The following NCOA2 variants were observed in gnomAD, a reference collection of about 807,000 sequenced individuals.
The protein encoded by NCOA2 is nuclear receptor coactivator 2.
Under a neutral mutation model 145.1 loss-of-function variants are expected in NCOA2, and 21 were observed. The observed-to-expected ratio is 0.14, with a 90% CI of 0.10 to 0.21. NCOA2 has a LOEUF of 0.21. Among genes scored for constraint, NCOA2 ranks in the 10% least tolerant of loss-of-function variants. The pLI is 1.00. For synonymous variants in NCOA2, 619 were observed against 637.5 expected (o/e 0.97, Z 0.44); for missense variants, 1,472 against 1,837.6 (o/e 0.80, Z 3.64).
chr8:70,439,336 C>G, the NCOA2 span, among the ~76,000 whole-genome samples: 2 of 152,092 alleles, frequency 1.3e-5, no homozygotes, highest in Non-Finnish European at 2.9e-5. Context: ...CGGTAGCATT[C>G]AAGAAGAGCA....
intron 1 of NCOA2, among the ~76,000 whole-genome samples, chr8:70,327,157 T>C (rs1351211242): frequency 3.3e-5 from 5 of 152,348 alleles, no homozygotes; most frequent in Non-Finnish European, 7.4e-5. Flanking sequence ...CCTTAAAACA[T>C]AGGCACACAT....
intron 2 of NCOA2, among the ~76,000 whole-genome samples, chr8:70,244,822 A>G (rs1427717823): frequency 6.6e-6 from 1 of 152,106 alleles, no homozygotes; most frequent in Non-Finnish European, 1.5e-5. Flanking sequence ...ACACAAACAC[A>G]AAAGAAATAA....
At chr8:70,281,544 G>A (rs1353560215) in intron 2 of NCOA2, among the ~76,000 whole-genome samples, 1 of 151,910 alleles carries the variant, frequency 6.6e-6, no homozygotes, top group African/African-American at 2.4e-5. Context: ...AAGTGGCTAG[G>A]GAGCATTCCC....
chr8:70,358,037 C>T (rs1467497962), intron 1 of NCOA2, among the ~76,000 whole-genome samples: 3 of 151,704 alleles, frequency 2.0e-5, no homozygotes, highest in Non-Finnish European at 4.4e-5. Context: ...GGTGACAAAG[C>T]GAGACTCAGT....
Position 70,123,900 on chromosome 8 carries a change from G to A in NCOA2, c.4277C>T (p.Ser1426Phe). The A allele has an allele frequency of 6.2e-7, 1 of 1,612,320 alleles. No homozygotes were observed. The highest frequency in any genetic ancestry group is 8.5e-7 in the Non-Finnish European group (1 of 1,178,928). ...VTSVPTSGLSSMGPEQVNDPA... is the reference protein window; with the variant it reads ...VTSVPTSGLSFMGPEQVNDPA... ...GGCACTCACCTGCTCGGGACCCATG[G>A]AGGACAGCCCTGACGTAGGCACGGA... Residue 1426 changes from serine (S) to phenylalanine (F), a missense_variant, in exon 21 of 23, where the codon TCC becomes TTC. By Grantham distance (155) the Ser-to-Phe change is radical (BLOSUM62 -2). Coordinates refer to ENST00000452400, the MANE Select transcript of NCOA2 (RefSeq NM_006540.4).
the NCOA2 span, among the ~76,000 whole-genome samples, chr8:70,442,043 G>A: frequency 1.5e-5 from 2 of 136,770 alleles, no homozygotes; most frequent in African/African-American, 5.4e-5. Flanking sequence ...GAAAGAGAAA[G>A]AGAAGAAAGG....
intron 1 of NCOA2, among the ~76,000 whole-genome samples, chr8:70,354,563 A>G (rs1809514892): frequency 6.6e-6 from 1 of 152,214 alleles, no homozygotes; most frequent in African/African-American, 2.4e-5. Context: ...CAAAAATTTG[A>G]AACATAGGCC....
chr8:70,398,353 G>T (rs1189630283), intron 1 of NCOA2, among the ~76,000 whole-genome samples: 1 of 152,140 alleles, frequency 6.6e-6, no homozygotes, highest in East Asian at 1.9e-4. Context: ...CAACTACTTG[G>T]GAGGCTGGGT....
chr8:70,169,777 AT>A (rs754943737), intron 6 of NCOA2, among the ~76,000 whole-genome samples: 1 of 152,208 alleles, frequency 6.6e-6, no homozygotes, highest in Non-Finnish European at 1.5e-5. Context: ...ATTAAAAAAA[AT>A]ACAACAATCT....
At position 70,191,941 on chromosome 8, in the gene NCOA2, C is replaced by T. The variant is rs146576684; in HGVS notation, c.260-17082G>A. ...CTGTAATCCCAGTTACTTGGGGAGG[C>T]TGAGGCAGGAGAACCGCTTGAACCT... is the stretch of plus-strand genomic sequence containing the variant. On this transcript the variant is annotated intron_variant, in intron 4 of 22. Transcript: ENST00000452400. 2.6e-3 allele frequency among the ~76,000 whole-genome samples: 400 copies of T among 152,282 alleles called. 3 individuals are homozygous for T. Among genetic ancestry groups the T allele is most frequent in the African/African-American group, 8.9e-3 (371 of 41,556 alleles).
At chr8:70,129,991 G>A (rs16936746) in intron 16 of NCOA2, among the ~76,000 whole-genome samples, 6,917 of 152,214 alleles carry the variant, frequency 0.045, 260 homozygotes, top group East Asian at 0.16. Flanking sequence ...TTAGCTCAGC[G>A]TTGTCCTAGG....
At chr8:70,307,220 C>CAAAAA (rs57161747) in intron 1 of NCOA2, among the ~76,000 whole-genome samples, 148 of 71,606 alleles carry the variant, frequency 2.1e-3, no homozygotes, top group East Asian at 3.2e-3. Flanking sequence ...CCTACATAAG[C>CAAAAA]AAAAAAAAAA....
At chr8:70,324,398 G>A (rs1806372114) in intron 1 of NCOA2, among the ~76,000 whole-genome samples, 1 of 152,136 alleles carries the variant, frequency 6.6e-6, no homozygotes, top group South Asian at 2.1e-4. Flanking sequence ...GTGCAGTGAT[G>A]TGACCAAAGC....
At chr8:70,230,267 A>G (rs1032655189) in intron 2 of NCOA2, among the ~76,000 whole-genome samples, 1 of 152,200 alleles carries the variant, frequency 6.6e-6, no homozygotes, top group Admixed American at 6.5e-5. Flanking sequence ...AATGTCCAAA[A>G]TAAGCAGATC....
intron 2 of NCOA2, among the ~76,000 whole-genome samples, chr8:70,249,172 C>T (rs1024992847): frequency 1.3e-5 from 2 of 152,022 alleles, no homozygotes; most frequent in African/African-American, 2.4e-5. Context: ...GTTAGTGTAC[C>T]CGATGGGGCA....
chr8:70,308,049 T>C (rs1405141127), intron 1 of NCOA2, among the ~76,000 whole-genome samples: 1 of 152,192 alleles, frequency 6.6e-6, no homozygotes, highest in African/African-American at 2.4e-5. Context: ...TGTACATGTT[T>C]TGTTTACCAA....
At chr8:70,216,553 C>A in intron 3 of NCOA2, 107 bp downstream of exon 3, 2 of 916,188 alleles carry the variant, frequency 2.2e-6, no homozygotes, top group Non-Finnish European at 3.6e-6. Context: ...AGGAGAAAAA[C>A]CAACTCAATA....
chr8:70,157,200 G>C lies in NCOA2; in HGVS notation c.1165C>G (p.Gln389Glu). Residue 389 changes from glutamine (Q) to glutamate (E), a missense_variant, in exon 11 of 23, where the codon CAA becomes GAA. Around this residue, in one of 4 missense-constraint regions of NCOA2, gnomAD observed 953 missense variants for 1,062.1 expected, o/e 0.90. Transcript: ENST00000452400. Reference sequence around the variant, plus strand: ...GGATTCAGTGGCTTCCCCATCGTTTGTCCAGTCAGATCCGGATTCATCACA... The same window carrying C: ...GGATTCAGTGGCTTCCCCATCGTTTCTCCAGTCAGATCCGGATTCATCACA... ...VCVMNPDLTG[Q>E]TMGKPLNPIS... is the part of the protein sequence containing the mutation. The C allele has an allele frequency of 6.3e-7, 1 of 1,586,662 alleles. No homozygotes were observed.
chr8:70,163,628 A>G (rs1813302639), intron 7 of NCOA2, 62 bp from the exon 8 acceptor site: 10 of 1,298,592 alleles, frequency 7.7e-6, no homozygotes, highest in Non-Finnish European at 1.1e-5. Flanking sequence ...AACAAACCCA[A>G]GTGTATTTAT....
Sources: gnomAD v4.1 joint callset for allele counts (sites outside exome capture counted in the v4.1 genomes callset) on GRCh38, gnomAD v4.1.1 for gene constraint, gnomAD v4.1.1 regional missense constraint, MANE v1.5 for transcripts, NCBI Gene and HGNC (gene_info 2026-07-23, HGNC 2026-07-21) for gene names.